SON: variants seen among roughly 807,000 people sequenced by gnomAD.
The protein encoded by SON is SON DNA and RNA binding protein.
Under a neutral mutation model 173.3 loss-of-function variants are expected in SON, and 4 were observed. That is an observed-to-expected ratio of 0.02 (90% CI 0.01 to 0.05). The LOEUF is 0.05. SON is among the 10% of genes least tolerant of loss of function. The pLI is 1.00. For synonymous variants in SON, 1,190 were observed against 1,105.9 expected, an observed-to-expected ratio of 1.08 and a Z score of -1.51; for missense variants, 2,626 against 3,055.3, an observed-to-expected ratio of 0.86 and a Z score of 3.31.
At position 33,550,727 on chromosome 21, in the gene SON, T is replaced by C; in HGVS notation, c.1496T>C (p.Val499Ala). ...TTGCCAGAGCAGCCTGCGGTAACAG[T>C]AGCAATGGAGTTGACCGAACAACCT... ...VELPEQPAVT[V>A]AMELTEQPVT... Residue 499 changes from valine to alanine, a missense_variant, in exon 3 of 12, where the codon GTA becomes GCA. This residue lies in a region of SON where 757 missense variants were observed against 730.1 expected (regional missense o/e 1.04). Coordinates refer to ENST00000356577, the MANE Select transcript of SON (RefSeq NM_138927.4). 2 of 1,613,826 alleles carry C rather than the reference T, an allele frequency of 1.2e-6. No individual in the cohort carries two copies. Among genetic ancestry groups the C allele is most frequent in the South Asian group, 2.2e-5 (2 of 91,060 alleles).
chr21:33,561,750 T>C (rs1385750498), intron 6 of SON, among the ~76,000 whole-genome samples: 1 of 152,170 alleles, frequency 6.6e-6, no homozygotes, highest in African/African-American at 2.4e-5. Context: ...TAATTAAAGG[T>C]TGAGGAGAAT....
At position 33,549,732 on chromosome 21, in the gene SON, G is replaced by A; in HGVS notation, c.501G>A (p.Leu167=). The change falls in exon 3 of 12, where the codon CTG becomes CTA. Residue 167 remains leucine, a synonymous_variant. Transcript: ENST00000356577. ...KFDSEPSAVA[L]ELPTRAFGPS... is the part of the protein sequence containing the mutation. ...ATTCTGAACCTTCAGCTGTGGCGCT[G>A]GAGCTTCCTACAAGAGCATTTGGCC... is the stretch of plus-strand genomic sequence containing the variant. The A allele has an allele frequency of 3.7e-6, 6 of 1,613,988 alleles. No individual in the cohort carries two copies. The East Asian group carries it at 8.9e-5, about 24-fold the overall frequency.
Position 33,550,136 on chromosome 21 carries a change from C to G in SON, c.905C>G (p.Pro302Arg), listed in dbSNP as rs1265812732. Residue 302 changes from proline to arginine, a missense_variant, in exon 3 of 12, where the codon CCT (proline) becomes CGT (arginine). By Grantham distance (103) the Pro-to-Arg change is moderately radical (BLOSUM62 -2). Transcript: ENST00000356577. ...CCCCCAGTAGCAAAAGTGTTAGAGC[C>G]TTCAGAAACCCTTGTGGTATCATCA... ...VEPPVAKVLE[P>R]SETLVVSSET... is the part of the protein sequence containing the mutation. 6.8e-6 allele frequency: 11 copies of G among 1,614,074 alleles called. No homozygotes were observed. Among genetic ancestry groups the G allele is most frequent in the Non-Finnish European group, 8.5e-6 (10 of 1,180,046 alleles).
Position 33,549,704 on chromosome 21 carries a change from T to G in SON, c.473T>G (p.Phe158Cys). ...IDLESDSFLK[F>C]DSEPSAVALE... ...TTAGAATCTGATTCCTTTTTAAAGT[T>G]TGATTCTGAACCTTCAGCTGTGGCG... The change falls in exon 3 of 12, where the codon TTT (phenylalanine) becomes TGT (cysteine). Residue 158 changes from phenylalanine to cysteine, a missense_variant. Physicochemically the swap from Phe to Cys is radical, Grantham distance 205. Coordinates refer to ENST00000356577, the MANE Select transcript of SON (RefSeq NM_138927.4). The G allele has an allele frequency of 6.2e-7, 1 of 1,612,586 alleles. No individual in the cohort carries two copies. Among genetic ancestry groups the G allele is most frequent in the Non-Finnish European group, 8.5e-7 (1 of 1,179,604 alleles).
rs1282079903 is a variant in SON, at chr21:33,554,303, CATT to C, written c.5074_5076del (p.Leu1692del). Reference sequence around the variant, plus strand: ...TTACCTGTAAAAGAGAGTGACCAGACATTAGCAGCTCTGCTCAGCCCTAAAGAA... The same window carrying C: ...TTACCTGTAAAAGAGAGTGACCAGACAGCAGCTCTGCTCAGCCCTAAAGAA... On this transcript the variant is annotated inframe_deletion, in exon 3 of 12. Coordinates refer to ENST00000356577, the MANE Select transcript of SON (RefSeq NM_138927.4). The C allele has an allele frequency of 6.2e-7, 1 of 1,614,116 alleles. No homozygotes were observed. Among genetic ancestry groups the C allele is most frequent in the Non-Finnish European group, 8.5e-7 (1 of 1,180,008 alleles).
At chr21:33,572,596 G>A (rs1199362026) in intron 8 of SON, 18 of 1,303,996 alleles carry the variant, frequency 1.4e-5, no homozygotes, top group Admixed American at 2.3e-5. Context: ...AGTGCCAGCC[G>A]TACTATTCAC....
chr21:33,550,388 C>G lies in SON; in HGVS notation c.1157C>G (p.Pro386Arg). The G allele has an allele frequency of 6.2e-7, 1 of 1,613,544 alleles. No homozygotes were observed. Among genetic ancestry groups the G allele is most frequent in the South Asian group, 1.1e-5 (1 of 91,056 alleles). The part of the protein sequence containing the change: ...SVASAMELPG[P>R]PATSMPELQG... ...GCCTCAGCGATGGAGTTGCCGGGGCCACCTGCGACCTCCATGCCGGAGTTG... is the reference window on the plus strand; with the variant it reads ...GCCTCAGCGATGGAGTTGCCGGGGCGACCTGCGACCTCCATGCCGGAGTTG... The change falls in exon 3 of 12, where the codon CCA (proline) becomes CGA (arginine). Residue 386 changes from proline (P) to arginine (R), a missense_variant. Transcript: ENST00000356577.
At chr21:33,543,227 TC>T (rs1316057864) in intron 1 of SON, 58 bp downstream of exon 1, 2 of 1,433,634 alleles carry the variant, frequency 1.4e-6, no homozygotes, top group East Asian at 4.5e-5. Flanking sequence ...CACCTAGCCT[TC>T]TTTGGCACCT....
Position 33,551,091 on chromosome 21 carries a change from T to C in SON, c.1860T>C (p.Leu620=). ...CTGGGGCAGCTGGAGCACTGGAGCT[T>C]TTGGGGCAGCCTCTGGCAACAGGGG... is the stretch of plus-strand genomic sequence containing the variant. ...GQSGAAGALE[L]LGQPLATGVL... The change falls in exon 3 of 12, where the codon CTT becomes CTC. Residue 620 remains leucine, a synonymous_variant. Coordinates refer to ENST00000356577, the MANE Select transcript of SON (RefSeq NM_138927.4). The C allele has an allele frequency of 6.2e-7, 1 of 1,604,296 alleles. No homozygotes were observed. The highest frequency in any genetic ancestry group is 8.5e-7 in the Non-Finnish European group (1 of 1,176,532).
intron 1 of SON, chr21:33,543,461 C>T: frequency 2.3e-6 from 1 of 436,714 alleles, no homozygotes; most frequent in East Asian, 4.5e-5. Flanking sequence ...CGTTTAGCTA[C>T]TCGTAGGCCC....
chr21:33,550,506 T>C lies in SON; in HGVS notation c.1275T>C (p.Pro425=). The C allele has an allele frequency of 6.2e-7, 1 of 1,612,346 alleles. No individual in the cohort carries two copies. The highest frequency in any genetic ancestry group is 8.5e-7 in the Non-Finnish European group (1 of 1,179,356). The change falls in exon 3 of 12, where the codon CCT becomes CCC. Residue 425 remains proline, a synonymous_variant. Transcript: ENST00000356577. The part of the protein sequence containing the change: ...ELPGPLSTPV[P]ELPGPPATAV... ...CAGGGCCCCTTTCTACCCCAGTGCC[T>C]GAGTTGCCAGGGCCCCCTGCGACAG...
rs1027499310 is a variant in SON, at chr21:33,551,512, A to G, written c.2281A>G (p.Met761Val). The change falls in exon 3 of 12, where the codon ATG becomes GTG. Residue 761 changes from methionine to valine, a missense_variant. By Grantham distance (21) the Met-to-Val change is conservative. Transcript: ENST00000356577. ...MDSQMLASSTMDSQMLATSSM... is the reference protein window; with the variant it reads ...MDSQMLASSTVDSQMLATSSM... The stretch of plus-strand genomic sequence containing the variant: ...CTCCCAGATGTTAGCGTCTAGCACC[A>G]TGGACTCCCAGATGTTAGCAACTAG... The G allele has an allele frequency of 1.7e-5, 28 of 1,613,734 alleles. No individual in the cohort carries two copies. The highest frequency in any genetic ancestry group is 2.4e-5 in the Non-Finnish European group (28 of 1,179,872).
intron 6 of SON, chr21:33,560,530 G>A: frequency 3.0e-6 from 3 of 995,500 alleles, no homozygotes; most frequent in Non-Finnish European, 3.6e-6. Flanking sequence ...ATTAAATAAT[G>A]TGCTGCTAAA....
rs756127353 is a variant in SON at position 33,550,668 on chromosome 21, G to A, written c.1437G>A (p.Leu479=). 1.6e-5 allele frequency: 26 copies of A among 1,614,108 alleles called. No homozygotes were observed. In the Middle Eastern group the frequency reaches 3.3e-3, roughly 205 times the overall value. ...AGCCACCTGTGATGGCACAGGAGTT[G>A]CCAGGGCTGCCTTTGGTGACAGCAG... ...VPEPPVMAQE[L]PGLPLVTAAV... Residue 479 remains leucine, a synonymous_variant, in exon 3 of 12, where the codon TTG becomes TTA. Coordinates refer to ENST00000356577, the MANE Select transcript of SON (RefSeq NM_138927.4).
Position 33,549,715 on chromosome 21 carries a change from C to T in SON, c.484C>T (p.Pro162Ser). 1.9e-6 allele frequency: 3 copies of T among 1,613,308 alleles called. No individual in the cohort carries two copies. Among genetic ancestry groups the T allele is most frequent in the Middle Eastern group, 1.7e-4 (1 of 6,052 alleles). The change falls in exon 3 of 12, where the codon CCT becomes TCT. Residue 162 changes from proline (P) to serine (S), a missense_variant. By Grantham distance (74) the Pro-to-Ser change is moderately conservative. Transcript: ENST00000356577. ...SDSFLKFDSE[P>S]SAVALELPTR... Reference sequence around the variant, plus strand: ...TTCCTTTTTAAAGTTTGATTCTGAACCTTCAGCTGTGGCGCTGGAGCTTCC... The same window carrying T: ...TTCCTTTTTAAAGTTTGATTCTGAATCTTCAGCTGTGGCGCTGGAGCTTCC...
At position 33,554,145 on chromosome 21, in the gene SON, A is replaced by G. The variant is rs1387562307; in HGVS notation, c.4914A>G (p.Glu1638=). ...VDLSLTTQDT[E]HDMVISTSPS... ...TATCTTTAACTACTCAAGATACTGA[A>G]CATGACATGGTAATTTCCACCAGTC... The change falls in exon 3 of 12, where the codon GAA becomes GAG. Residue 1638 remains glutamate (E), a synonymous_variant. Transcript: ENST00000356577. 1.9e-6 allele frequency: 3 copies of G among 1,614,074 alleles called. No homozygotes were observed. The highest frequency in any genetic ancestry group is 2.7e-5 in the African/African-American group (2 of 74,948).
chr21:33,543,064 G>C lies in SON; in HGVS notation c.-29G>C, dbSNP rs758341601. 5 of 1,609,440 alleles carry C rather than the reference G, an allele frequency of 3.1e-6. No individual in the cohort carries two copies. Among genetic ancestry groups the C allele is most frequent in the Non-Finnish European group, 4.3e-6 (5 of 1,175,602 alleles). On this transcript the variant is annotated 5_prime_UTR_variant, in exon 1 of 12. Coordinates refer to ENST00000356577, the MANE Select transcript of SON (RefSeq NM_138927.4). ...TGCTGGGAGCCTGGAGGACTAGCGA[G>C]GAGGAGTTGAGAGAACGGAGCGGAC...
chr21:33,550,967 C>G lies in SON; in HGVS notation c.1736C>G (p.Thr579Ser), dbSNP rs1357946971. The G allele has an allele frequency of 1.2e-6, 2 of 1,604,678 alleles. No homozygotes were observed. Among genetic ancestry groups the G allele is most frequent in the Non-Finnish European group, 1.7e-6 (2 of 1,173,472 alleles). ...VPELPGLPSA[T>S]RALELSGQPV... ...GAGTTGCCAGGGCTGCCTTCGGCAA[C>G]TAGGGCACTGGAGTTGTCGGGGCAG... The change falls in exon 3 of 12, where the codon ACT becomes AGT. Residue 579 changes from threonine (T) to serine (S), a missense_variant. By Grantham distance (58) the Thr-to-Ser change is moderately conservative. Transcript: ENST00000356577.
chr21:33,571,403 ATC>A (rs1260572987), intron 8 of SON, among the ~76,000 whole-genome samples: 5 of 152,220 alleles, frequency 3.3e-5, no homozygotes, highest in Non-Finnish European at 7.3e-5. Flanking sequence ...ATAGTCCAGC[ATC>A]TGCCTTATGT....
Sources: gnomAD v4.1 joint callset for allele counts (sites outside exome capture counted in the v4.1 genomes callset) on GRCh38, gnomAD v4.1.1 for gene constraint, gnomAD v4.1.1 regional missense constraint, MANE v1.5 for transcripts, NCBI Gene and HGNC (gene_info 2026-07-23, HGNC 2026-07-21) for gene names.